Variants in RAB17 observed in about 807,000 individuals in gnomAD.
The protein encoded by RAB17 is ras-related protein Rab-17.
Under a neutral mutation model 19.3 loss-of-function variants are expected in RAB17, and 15 were observed. The observed-to-expected ratio is 0.78, with a 90% CI of 0.52 to 1.20. The LOEUF (loss-of-function observed/expected upper bound fraction) is 1.20. Among genes scored for constraint, RAB17 ranks in the 50% most tolerant of loss-of-function variants. The pLI, the probability that RAB17 is intolerant of heterozygous loss-of-function variation, is 0.00. For missense variants in RAB17, 262 were observed against 269.3 expected (o/e 0.97, Z 0.19); for synonymous variants, 110 against 112.8 (o/e 0.97, Z 0.16).
In RAB17 at chr2:237,574,654, C is replaced by T; in HGVS notation, c.*365G>A. On this transcript the variant is annotated 3_prime_UTR_variant, in exon 6 of 6. Coordinates refer to ENST00000264601, the MANE Select transcript of RAB17 (RefSeq NM_022449.4). ...TCCAGGCCAGTGCCCCCATCAAGATCAGACGTAAGGCATCTTCCCACCGTC... is the reference window on the plus strand; with the variant it reads ...TCCAGGCCAGTGCCCCCATCAAGATTAGACGTAAGGCATCTTCCCACCGTC... 6.8e-7 allele frequency: 1 copy of T among 1,480,590 alleles called. No individual in the cohort carries two copies. The highest frequency in any genetic ancestry group is 9.0e-7 in the Non-Finnish European group (1 of 1,112,734). The allele number at this position is 1,480,590 out of a possible 1,614,324, so 91.7% of individuals were successfully genotyped here. A position where few individuals can be genotyped will look rare whatever the true frequency, so the allele number is the denominator to read the frequency against.
At position 237,578,664 on chromosome 2, in the gene RAB17, C is replaced by T. The variant is rs573640629; in HGVS notation, c.158-509G>A. The T allele has an allele frequency of 2.6e-5, 4 of 155,452 alleles. No homozygotes were observed. The South Asian group carries it at 8.0e-4, about 31-fold the overall frequency. 9.6% of individuals were successfully genotyped at this position (155,452 alleles called of 1,614,324 possible). ...CCCACTTTCCCAATGCTGCTCCCCACCAACACCCTTCTCTACTGTCCCCTC... is the reference window on the plus strand; with the variant it reads ...CCCACTTTCCCAATGCTGCTCCCCATCAACACCCTTCTCTACTGTCCCCTC... On this transcript the variant is annotated intron_variant, in intron 2 of 5. Transcript: ENST00000264601.
chr2:237,578,218 G>A, intron 2 of RAB17, 63 bp from the exon 3 acceptor site: 3 of 1,521,490 alleles, frequency 2.0e-6, no homozygotes, highest in Non-Finnish European at 2.7e-6. Context: ...GGCTCAGGTG[G>A]GACCACGGCA....
intron 2 of RAB17, among the ~76,000 whole-genome samples, chr2:237,582,361 G>A (rs1353341587): frequency 6.6e-6 from 1 of 152,222 alleles, no homozygotes; most frequent in Non-Finnish European, 1.5e-5. Flanking sequence ...CTGACCCCTC[G>A]GACAGGGCCG....
At chr2:237,580,638 C>T (rs1307939375) in intron 2 of RAB17, among the ~76,000 whole-genome samples, 1 of 152,104 alleles carries the variant, frequency 6.6e-6, no homozygotes, top group East Asian at 1.9e-4. Flanking sequence ...ACTCGGGAGG[C>T]CGAAGCAGGA....
rs144509661 is a variant in RAB17, at chr2:237,586,067, C to T, written c.88G>A (p.Val30Met). ...CGAAGAGCCAAGCTGGACTTACCCA[C>T]GGAGCCACTTCCCAGGAGAACCAGC... ...FKLVLLGSGSVGKSSLALRYV... is the reference protein window; with the variant it reads ...FKLVLLGSGSMGKSSLALRYV... The change falls in exon 2 of 6, where the codon GTG becomes ATG. Residue 30 changes from valine to methionine, a missense_variant. Physicochemically the swap from Val to Met is conservative, Grantham distance 21. Coordinates refer to ENST00000264601, the MANE Select transcript of RAB17 (RefSeq NM_022449.4). The T allele has an allele frequency of 9.2e-5, 148 of 1,613,628 alleles. No homozygotes were observed. The African/African-American group carries it at 1.0e-3, about 11-fold the overall frequency.
At chr2:237,584,029 C>T (rs1048080804) in intron 2 of RAB17, among the ~76,000 whole-genome samples, 1 of 151,640 alleles carries the variant, frequency 6.6e-6, no homozygotes, top group Admixed American at 6.6e-5. Context: ...GCAATTGGTA[C>T]AGGCAGGGCA....
rs76400570 is a variant in RAB17 at position 237,577,611 on chromosome 2, C to T, written c.310-229G>A. On this transcript the variant is annotated intron_variant, in intron 3 of 5. Transcript: ENST00000264601. ...CTGCTAGGACACACATCAGATCCTT[C>T]ACCCTGACCAGGCCCAGGAGACTGC... 6.8e-3 allele frequency: 3,601 copies of T among 529,984 alleles called. 94 individuals are homozygous for T. Among genetic ancestry groups the T allele is most frequent in the African/African-American group, 0.056 (2,967 of 52,898 alleles). The allele number at this position is 529,984 out of a possible 1,614,324, so 32.8% of individuals were successfully genotyped here. A position where few individuals can be genotyped will look rare whatever the true frequency, so the allele number is the denominator to read the frequency against.
chr2:237,586,782 A>G (rs1253350970), intron 1 of RAB17, among the ~76,000 whole-genome samples: 2 of 152,172 alleles, frequency 1.3e-5, no homozygotes, highest in Non-Finnish European at 2.9e-5. Context: ...ACACACCACA[A>G]TAGAGAGAAC....
intron 2 of RAB17, among the ~76,000 whole-genome samples, chr2:237,581,119 T>C (rs1291075033): frequency 6.6e-6 from 1 of 152,238 alleles, no homozygotes; most frequent in Non-Finnish European, 1.5e-5. Flanking sequence ...CTGGGTACAG[T>C]GGCTCATGCC....
In RAB17 at chr2:237,574,838, C is replaced by T; in HGVS notation, c.*181G>A. ...CACTTTCCTGGGAGCCATGTGACGC[C>T]AGATCTTCCTCTGGCAGTTCCCACT... On this transcript the variant is annotated 3_prime_UTR_variant, in exon 6 of 6. Coordinates refer to ENST00000264601, the MANE Select transcript of RAB17 (RefSeq NM_022449.4). 4.9e-6 allele frequency: 4 copies of T among 816,920 alleles called. No homozygotes were observed. In the South Asian group the frequency reaches 6.6e-5, roughly 14 times the overall value. 50.6% of individuals were successfully genotyped at this position (816,920 alleles called of 1,614,324 possible). A position where few individuals can be genotyped will look rare whatever the true frequency, so the allele number is the denominator to read the frequency against.
rs544582686 is a variant in RAB17, at chr2:237,580,589, A to C, written c.158-2434T>G. ...CCCTGTTTCTACTAAAAATACAAAA[A>C]TTAGCCAGGTGTGCTGGCATGCCCC... On this transcript the variant is annotated intron_variant, in intron 2 of 5. Transcript: ENST00000264601. 3.3e-5 allele frequency among the ~76,000 whole-genome samples: 5 copies of C among 152,322 alleles called. No individual in the cohort carries two copies. In the South Asian group the frequency reaches 1.0e-3, roughly 32 times the overall value.
chr2:237,587,554 G>C (rs2081359693), intron 1 of RAB17, among the ~76,000 whole-genome samples: 1 of 151,960 alleles, frequency 6.6e-6, no homozygotes, highest in Admixed American at 6.5e-5. Context: ...AGGGAATCAA[G>C]TTTGGAATCA....
intron 2 of RAB17, among the ~76,000 whole-genome samples, chr2:237,585,036 A>G (rs967554966): frequency 4.6e-5 from 7 of 152,198 alleles, no homozygotes; most frequent in Admixed American, 2.0e-4. Context: ...ATCCTTCAGG[A>G]ACCACCCCCC....
chr2:237,581,236 G>A (rs2081306044), intron 2 of RAB17, among the ~76,000 whole-genome samples: 1 of 151,686 alleles, frequency 6.6e-6, no homozygotes, highest in African/African-American at 2.4e-5. Context: ...TTAGCTGGGT[G>A]TGGTGGCGCA....
Position 237,586,082 on chromosome 2 carries a change from G to A in RAB17, c.73C>T (p.Leu25=), listed in dbSNP as rs1226496794. 6.2e-7 allele frequency: 1 copy of A among 1,613,740 alleles called. No individual in the cohort carries two copies. The highest frequency in any genetic ancestry group is 1.1e-5 in the South Asian group (1 of 90,988). The change falls in exon 2 of 6, where the codon CTG becomes TTG. Residue 25 remains leucine, a synonymous_variant. Coordinates refer to ENST00000264601, the MANE Select transcript of RAB17 (RefSeq NM_022449.4). ...SQPRVFKLVL[L]GSGSVGKSSL... ...GACTTACCCACGGAGCCACTTCCCA[G>A]GAGAACCAGCTTGAACACACGGGGC...
intron 4 of RAB17, chr2:237,576,753 G>T: frequency 4.2e-6 from 2 of 470,650 alleles, no homozygotes; most frequent in Non-Finnish European, 8.8e-6. Flanking sequence ...CTGGGTGACC[G>T]CTGCCTCTGC....
intron 1 of RAB17, among the ~76,000 whole-genome samples, chr2:237,588,149 G>GACT (rs2081365189): frequency 6.6e-6 from 1 of 152,196 alleles, no homozygotes; most frequent in Non-Finnish European, 1.5e-5. Flanking sequence ...ACCATGCTAG[G>GACT]AGGTGGGGCC....
intron 1 of RAB17, among the ~76,000 whole-genome samples, chr2:237,587,523 G>T (rs2081359461): frequency 6.6e-6 from 1 of 152,174 alleles, no homozygotes; most frequent in Non-Finnish European, 1.5e-5. Context: ...GGTCTGGTCT[G>T]CCCTGCAGGG....
At chr2:237,585,214 T>A (rs573296314) in intron 2 of RAB17, among the ~76,000 whole-genome samples, 1 of 150,534 alleles carries the variant, frequency 6.6e-6, no homozygotes, top group African/African-American at 2.5e-5. Context: ...AGTAAATGAA[T>A]GAGTGAATTT....
Sources: gnomAD v4.1 joint callset for allele counts (sites outside exome capture counted in the v4.1 genomes callset) on GRCh38, gnomAD v4.1.1 for gene constraint, MANE v1.5 for transcripts, NCBI Gene and HGNC (gene_info 2026-07-23, HGNC 2026-07-21) for gene names.